The following NLRX1 variants were observed in gnomAD, a reference collection of about 807,000 sequenced individuals.
NLRX1 encodes the protein NOD-like receptor X1.
In NLRX1, 67 loss-of-function variants were observed where a neutral mutation model predicts 74.2. The ratio of observed to expected loss-of-function variants is 0.90; its 90% CI spans 0.74 to 1.11. The LOEUF (loss-of-function observed/expected upper bound fraction) is 1.11, where lower values mean the gene tolerates loss of function less well. NLRX1 is among the 50% of genes least tolerant of loss of function. NLRX1 has a pLI of 0.00. For missense variants in NLRX1, 1,191 were observed against 1,305.4 expected, an observed-to-expected ratio of 0.91 and a Z score of 1.35; for synonymous variants, 506 against 559.1, an observed-to-expected ratio of 0.91 and a Z score of 1.34.
Position 119,175,083 on chromosome 11 carries a change from G to A in NLRX1, c.1480G>A (p.Val494Met), listed in dbSNP as rs780397677. 13 of 1,614,166 alleles carry A rather than the reference G, an allele frequency of 8.1e-6. No individual in the cohort carries two copies. The highest frequency in any genetic ancestry group is 7.7e-5 in the South Asian group (7 of 91,086). ...PGRAGTFVFT[V>M]PAMQEYLAAL... ...GCGTGCAGGCACCTTCGTGTTCACCGTGCCCGCCATGCAGGAATACCTGGC... is the reference window on the plus strand; with the variant it reads ...GCGTGCAGGCACCTTCGTGTTCACCATGCCCGCCATGCAGGAATACCTGGC... The change falls in exon 6 of 10, where the codon GTG becomes ATG. Residue 494 changes from valine to methionine, a missense_variant. Val to Met is a conservative substitution (Grantham distance 21). Transcript: ENST00000409109.
intron 6 of NLRX1, among the ~76,000 whole-genome samples, chr11:119,175,621 G>T (rs1948684920): frequency 6.6e-6 from 1 of 152,214 alleles, no homozygotes; most frequent in Admixed American, 6.5e-5. Flanking sequence ...CCTCTGCTTT[G>T]CAGGTCCAGA....
At chr11:119,177,446 G>A (rs1461137638) in intron 6 of NLRX1, among the ~76,000 whole-genome samples, 1 of 151,324 alleles carries the variant, frequency 6.6e-6, no homozygotes, top group Non-Finnish European at 1.5e-5. Flanking sequence ...TGGCCAACAT[G>A]GTGAAACCCC....
chr11:119,174,099 G>A lies in NLRX1; in HGVS notation c.849+1G>A, dbSNP rs1368126901. The A allele has an allele frequency of 5.0e-6, 8 of 1,613,038 alleles. No homozygotes were observed. The highest frequency in any genetic ancestry group is 2.7e-5 in the African/African-American group (2 of 74,914). On this transcript the variant is annotated splice_donor_variant, in intron 5 of 9. Coordinates refer to ENST00000409109, the MANE Select transcript of NLRX1 (RefSeq NM_001282144.2). LOFTEE classifies it high-confidence loss of function. ...GCTGCGCAAATACATGCTGCCTCAG[G>A]TGGGTGGCCCTTTACCCCAGGTTAT... is the stretch of plus-strand genomic sequence containing the variant.
chr11:119,179,199 A>G (rs1021648561), intron 6 of NLRX1, among the ~76,000 whole-genome samples: 2 of 152,222 alleles, frequency 1.3e-5, no homozygotes, highest in African/African-American at 2.4e-5. Context: ...AGTGTGTAAT[A>G]CATGCTAATT....
In NLRX1 at chr11:119,178,519, C is replaced by G. The variant is rs186762330; in HGVS notation, c.1672-1174C>G. On this transcript the variant is annotated intron_variant, in intron 6 of 9. Coordinates refer to ENST00000409109, the MANE Select transcript of NLRX1 (RefSeq NM_001282144.2). ...AATGTAACCATATAAGGAAAAATTACAGCAAATGCCTGGGAAGAAGGAGCC... is the reference window on the plus strand; with the variant it reads ...AATGTAACCATATAAGGAAAAATTAGAGCAAATGCCTGGGAAGAAGGAGCC... Among the ~76,000 whole-genome samples the G allele has an allele frequency of 2.5e-3, 379 of 152,242 alleles. 4 individuals carry two copies. Among genetic ancestry groups the G allele is most frequent in the African/African-American group, 8.2e-3 (339 of 41,538 alleles).
Position 119,182,237 on chromosome 11 carries a change from G to A in NLRX1, c.2498G>A (p.Arg833His), listed in dbSNP as rs551650116. The change falls in exon 9 of 10, where the codon CGC becomes CAC. Residue 833 changes from arginine (R) to histidine (H), a missense_variant. Arg to His is a conservative substitution (Grantham distance 29). Coordinates refer to ENST00000409109, the MANE Select transcript of NLRX1 (RefSeq NM_001282144.2). ...GLELLAAQLDRNRQLQELNVA... is the reference protein window; with the variant it reads ...GLELLAAQLDHNRQLQELNVA... The stretch of plus-strand genomic sequence containing the variant: ...GAGCTGCTGGCTGCCCAGCTGGACC[G>A]CAACCGGCAGCTGCAGGAGCTGAAC... The A allele has an allele frequency of 3.0e-5, 49 of 1,613,736 alleles. No homozygotes were observed. The highest frequency in any genetic ancestry group is 6.7e-5 in the East Asian group (3 of 44,884).
chr11:119,178,222 A>T (rs145086941), intron 6 of NLRX1, among the ~76,000 whole-genome samples: 3 of 152,342 alleles, frequency 2.0e-5, no homozygotes, highest in African/African-American at 7.2e-5. Flanking sequence ...ATGTTAAAGG[A>T]CGTGCCACAA....
chr11:119,181,711 G>A (rs1275233215), intron 8 of NLRX1, among the ~76,000 whole-genome samples: 1 of 152,080 alleles, frequency 6.6e-6, no homozygotes, highest in East Asian at 1.9e-4. Flanking sequence ...GAGAGAAAAA[G>A]GAAGAGCAGG....
Position 119,175,261 on chromosome 11 carries a change from T to G in NLRX1, c.1658T>G (p.Phe553Cys), listed in dbSNP as rs1236073108. Residue 553 changes from phenylalanine to cysteine, a missense_variant, in exon 6 of 10, where the codon TTC (phenylalanine) becomes TGC (cysteine). Coordinates refer to ENST00000409109, the MANE Select transcript of NLRX1 (RefSeq NM_001282144.2). ...CCTCTGCGGGCTCTGCCTCTGCTCTTCAACCTGATCAAGGTAACATCCCGA... is the reference window on the plus strand; with the variant it reads ...CCTCTGCGGGCTCTGCCTCTGCTCTGCAACCTGATCAAGGTAACATCCCGA... ...LLPLRALPLL[F>C]NLIKVVPRVF... is the part of the protein sequence containing the mutation. The G allele has an allele frequency of 1.2e-6, 2 of 1,613,444 alleles. No individual in the cohort carries two copies. Among genetic ancestry groups the G allele is most frequent in the Non-Finnish European group, 1.7e-6 (2 of 1,179,664 alleles).
chr11:119,175,338 C>A, intron 6 of NLRX1, 64 bp downstream of exon 6: 1 of 1,409,460 alleles, frequency 7.1e-7, no homozygotes, highest in South Asian at 1.3e-5. Context: ...CCAAGCCGCC[C>A]ACGCCCCCAC....
intron 5 of NLRX1, 67 bp from the exon 6 acceptor site, chr11:119,174,386 C>G: frequency 6.7e-7 from 1 of 1,501,452 alleles, no homozygotes; most frequent in Non-Finnish European, 9.1e-7. Flanking sequence ...TTCAGGGGTC[C>G]CCTGGGAATA....
At chr11:119,176,401 A>G (rs1202262912) in intron 6 of NLRX1, among the ~76,000 whole-genome samples, 2 of 152,170 alleles carry the variant, frequency 1.3e-5, no homozygotes, top group Admixed American at 1.3e-4. Flanking sequence ...GGCATGTGCC[A>G]CCATCCCCAG....
rs532886526 is a variant in NLRX1, at chr11:119,180,364, AG to A, written c.2267+79del. The stretch of plus-strand genomic sequence containing the variant: ...TGAAGAAGTGGGAAAAGAAAGTGCC[AG>A]GGAAACCAGAGGTACCGATGAGTGA... On this transcript the variant is annotated intron_variant, in intron 7 of 9. Transcript: ENST00000409109. 306 of 1,242,868 alleles carry A rather than the reference AG, an allele frequency of 2.5e-4. 1 individual carries two copies. Among genetic ancestry groups the A allele is most frequent in the Admixed American group, 1.3e-3 (48 of 37,588 alleles). 77.0% of individuals were successfully genotyped at this position (1,242,868 alleles called of 1,614,324 possible). A position where few individuals can be genotyped will look rare whatever the true frequency, so the allele number is the denominator to read the frequency against.
intron 6 of NLRX1, 49 bp from the exon 7 acceptor site, chr11:119,179,644 G>A (rs764379425): frequency 1.0e-4 from 152 of 1,474,026 alleles, no homozygotes; most frequent in Non-Finnish European, 1.3e-4. Flanking sequence ...CTTGAAGGCT[G>A]AACAGGCACA....
chr11:119,176,452 C>G (rs983179814), intron 6 of NLRX1, among the ~76,000 whole-genome samples: 4 of 152,120 alleles, frequency 2.6e-5, no homozygotes, highest in Admixed American at 6.5e-5. Flanking sequence ...GGTGCAGTGG[C>G]TCACGCCTGT....
At chr11:119,182,622 C>T (rs1032767612) in intron 9 of NLRX1, among the ~76,000 whole-genome samples, 2 of 152,182 alleles carry the variant, frequency 1.3e-5, no homozygotes, top group Non-Finnish European at 2.9e-5. Flanking sequence ...TGTGGTGGCT[C>T]ACGTCTGTAA....
rs751024455 is a variant in NLRX1, at chr11:119,174,792, A to G, written c.1189A>G (p.Ile397Val). 1.9e-6 allele frequency: 3 copies of G among 1,613,766 alleles called. No individual in the cohort carries two copies. Among genetic ancestry groups the G allele is most frequent in the Non-Finnish European group, 2.5e-6 (3 of 1,180,032 alleles). The change falls in exon 6 of 10, where the codon ATC becomes GTC. Residue 397 changes from isoleucine (I) to valine (V), a missense_variant. By Grantham distance (29) the Ile-to-Val change is conservative (BLOSUM62 3). Coordinates refer to ENST00000409109, the MANE Select transcript of NLRX1 (RefSeq NM_001282144.2). ...PTPAGQTLTS[I>V]YTSFLRLNFS... Reference sequence around the variant, plus strand: ...GCCTGCTGGGCAGACCCTTACAAGCATCTATACCAGCTTCCTGCGCCTCAA... The same window carrying G: ...GCCTGCTGGGCAGACCCTTACAAGCGTCTATACCAGCTTCCTGCGCCTCAA...
chr11:119,169,544 A>G (rs185707872), intron 1 of NLRX1, among the ~76,000 whole-genome samples: 33 of 152,334 alleles, frequency 2.2e-4, no homozygotes, highest in East Asian at 2.1e-3. Flanking sequence ...AGGTGGCCCA[A>G]TGCAGCCAGT....
At chr11:119,180,338 G>A (rs370628949) in intron 7 of NLRX1, 50 bp downstream of exon 7, 323 of 1,423,256 alleles carry the variant, frequency 2.3e-4, no homozygotes, top group Middle Eastern at 1.4e-3. Context: ...AGGGTTGGAG[G>A]TGAAGAAGTG....
Sources: gnomAD v4.1 joint callset for allele counts (sites outside exome capture counted in the v4.1 genomes callset) on GRCh38, gnomAD v4.1.1 for gene constraint, MANE v1.5 for transcripts, NCBI Gene and HGNC (gene_info 2026-07-23, HGNC 2026-07-21) for gene names.